The following UTRN variants were observed in gnomAD, a reference collection of about 807,000 sequenced individuals.
UTRN encodes the protein dystrophin-related protein 1.
In UTRN, 283 loss-of-function variants were observed where a neutral mutation model predicts 463.9. That is an observed-to-expected ratio of 0.61 (90% CI 0.55 to 0.67). The LOEUF is 0.67. UTRN is among the 30% of genes least tolerant of loss of function. The pLI is 0.00. For missense variants in UTRN, 3,922 were observed against 4,084.3 expected, an observed-to-expected ratio of 0.96 and a Z score of 1.08; for synonymous variants, 1,442 against 1,431.5, an observed-to-expected ratio of 1.01 and a Z score of -0.17.
chr6:144,585,538 T>C (rs1413731924), intron 51 of UTRN, among the ~76,000 whole-genome samples: 1 of 152,112 alleles, frequency 6.6e-6, no homozygotes, highest in Non-Finnish European at 1.5e-5. Flanking sequence ...ATTTGTGTGG[T>C]TATATTTTGA....
At chr6:144,375,129 T>C (rs1355633763) in intron 2 of UTRN, among the ~76,000 whole-genome samples, 1 of 152,138 alleles carries the variant, frequency 6.6e-6, no homozygotes, top group African/African-American at 2.4e-5. Context: ...TCATCACACT[T>C]GAATGTTTTT....
intron 3 of UTRN, among the ~76,000 whole-genome samples, chr6:144,413,273 T>G (rs1584680935): frequency 6.6e-6 from 1 of 152,210 alleles, no homozygotes; most frequent in African/African-American, 2.4e-5. Flanking sequence ...GTAACTGTTA[T>G]AAGGGCATAG....
intron 71 of UTRN, among the ~76,000 whole-genome samples, chr6:144,838,850 C>T (rs1781318849): frequency 6.6e-6 from 1 of 152,106 alleles, no homozygotes; most frequent in African/African-American, 2.4e-5. Context: ...TATTAGAAAC[C>T]CAGTGCTGAT....
At chr6:144,524,725 T>A (rs1049654784) in intron 41 of UTRN, among the ~76,000 whole-genome samples, 1 of 152,168 alleles carries the variant, frequency 6.6e-6, no homozygotes, top group Non-Finnish European at 1.5e-5. Context: ...TCCGGTACTA[T>A]GTTGAATGCA....
chr6:144,771,616 G>A (rs1388518507), intron 58 of UTRN, among the ~76,000 whole-genome samples: 1 of 151,652 alleles, frequency 6.6e-6, no homozygotes, highest in African/African-American at 2.4e-5. Flanking sequence ...AGTAGCGATG[G>A]GATTTCATCA....
intron 2 of UTRN, among the ~76,000 whole-genome samples, chr6:144,390,197 C>T (rs575563309): frequency 6.6e-6 from 1 of 152,204 alleles, no homozygotes; most frequent in South Asian, 2.1e-4. Context: ...ACGGGAGACA[C>T]GCTGTATAAT....
intron 65 of UTRN, among the ~76,000 whole-genome samples, chr6:144,820,493 A>T (rs62427249): frequency 2.0e-5 from 3 of 151,874 alleles, no homozygotes; most frequent in East Asian, 3.9e-4. Context: ...ATTGTGGTTA[A>T]AACCACAATA....
In UTRN at chr6:144,440,374, C is replaced by A. The variant is rs1287440889; in HGVS notation, c.1415C>A (p.Ala472Asp). The A allele has an allele frequency of 1.2e-6, 2 of 1,614,082 alleles. No homozygotes were observed. The highest frequency in any genetic ancestry group is 3.3e-5 in the Admixed American group (2 of 60,012). Reference protein sequence around the residue: ...EHKSLQSDLEAEQVKVNSLTH... With the variant: ...EHKSLQSDLEDEQVKVNSLTH... Reference sequence around the variant, plus strand: ...TAGAGTTTGCAAAGTGATCTTGAGGCTGAACAGGTGAAAGTAAATTCACTA... The same window carrying A: ...TAGAGTTTGCAAAGTGATCTTGAGGATGAACAGGTGAAAGTAAATTCACTA... Residue 472 changes from alanine to aspartate, a missense_variant, in exon 13 of 75, where the codon GCT (alanine) becomes GAT (aspartate). Physicochemically the swap from Ala to Asp is moderately radical, Grantham distance 126. Around this residue, in one of 3 missense-constraint regions of UTRN, gnomAD observed 2,349 missense variants for 2,303.8 expected, o/e 1.02. Transcript: ENST00000367545.
In UTRN at chr6:144,473,709, T is replaced by C. The variant is rs1790900658; in HGVS notation, c.3067-11T>C. On this transcript the variant is annotated splice_polypyrimidine_tract_variant and intron_variant, in intron 23 of 74. Transcript: ENST00000367545. ...GAAGTAATATCCCCCTCTGTTATCA[T>C]GTTCGATTAGGCCGATTCAACAGTC... The C allele has an allele frequency of 2.5e-6, 4 of 1,611,620 alleles. No homozygotes were observed. The highest frequency in any genetic ancestry group is 2.5e-6 in the Non-Finnish European group (3 of 1,177,936).
At chr6:144,663,958 C>T (rs1261942796) in intron 51 of UTRN, among the ~76,000 whole-genome samples, 1 of 152,046 alleles carries the variant, frequency 6.6e-6, no homozygotes, top group African/African-American at 2.4e-5. Flanking sequence ...AAGTATGTAC[C>T]AGGTGCTAGT....
chr6:144,715,338 C>G (rs916087336), intron 53 of UTRN, among the ~76,000 whole-genome samples: 1 of 152,170 alleles, frequency 6.6e-6, no homozygotes, highest in Non-Finnish European at 1.5e-5. Flanking sequence ...AATCTACCAC[C>G]TGTGACACTC....
At chr6:144,370,982 A>G (rs949767654) in intron 2 of UTRN, among the ~76,000 whole-genome samples, 15 of 152,144 alleles carry the variant, frequency 9.9e-5, no homozygotes, top group South Asian at 4.1e-4. Flanking sequence ...AGACACCTGC[A>G]TTACTGTTTG....
chr6:144,515,076 GT>G (rs560288750), intron 37 of UTRN, among the ~76,000 whole-genome samples: 66 of 151,834 alleles, frequency 4.3e-4, no homozygotes, highest in Non-Finnish European at 7.4e-4. Context: ...TAATTTTTGT[GT>G]TTTTTTTAGG....
intron 52 of UTRN, among the ~76,000 whole-genome samples, chr6:144,682,858 A>G (rs184461872): frequency 1.6e-4 from 24 of 152,318 alleles, no homozygotes; most frequent in Admixed American, 1.3e-4. Context: ...GGCACGTGGT[A>G]TGTGTTCAGT....
At chr6:144,439,060 T>C (rs1296030734) in intron 12 of UTRN, among the ~76,000 whole-genome samples, 165 bp downstream of exon 12, 1 of 152,220 alleles carries the variant, frequency 6.6e-6, no homozygotes, top group Non-Finnish European at 1.5e-5. Context: ...ATGAGACTTT[T>C]CTGAGCCAGG....
At chr6:144,709,974 A>G (rs1367325214) in intron 53 of UTRN, among the ~76,000 whole-genome samples, 2 of 152,148 alleles carry the variant, frequency 1.3e-5, no homozygotes, top group Non-Finnish European at 2.9e-5. Context: ...CCACCTATCC[A>G]CACTATTCAC....
chr6:144,713,671 A>G (rs1457720546), intron 53 of UTRN, among the ~76,000 whole-genome samples: 1 of 151,802 alleles, frequency 6.6e-6, no homozygotes, highest in Non-Finnish European at 1.5e-5. Flanking sequence ...CTGTAATCCC[A>G]GCACTTTGGG....
At chr6:144,609,940 G>A (rs1016969590) in intron 51 of UTRN, among the ~76,000 whole-genome samples, 1 of 151,666 alleles carries the variant, frequency 6.6e-6, no homozygotes, top group African/African-American at 2.4e-5. Flanking sequence ...AGCAGAAAGG[G>A]GGAAATTTAT....
intron 60 of UTRN, among the ~76,000 whole-genome samples, chr6:144,781,435 A>G (rs537816936): frequency 2.0e-5 from 3 of 152,294 alleles, no homozygotes; most frequent in South Asian, 2.1e-4. Flanking sequence ...TAAATTTTGT[A>G]TGTAATGATG....
Sources: gnomAD v4.1 joint callset for allele counts (sites outside exome capture counted in the v4.1 genomes callset) on GRCh38, gnomAD v4.1.1 for gene constraint, gnomAD v4.1.1 regional missense constraint, MANE v1.5 for transcripts, NCBI Gene and HGNC (gene_info 2026-07-23, HGNC 2026-07-21) for gene names.